The following ARHGAP22 variants were observed in gnomAD, a reference collection of about 807,000 sequenced individuals.
ARHGAP22 encodes the protein rho GTPase-activating protein 22.
Under a neutral mutation model 59.1 loss-of-function variants are expected in ARHGAP22, and 48 were observed. That is an observed-to-expected ratio of 0.81 (90% CI 0.64 to 1.03). The LOEUF is 1.03. ARHGAP22 is among the 50% of genes least tolerant of loss of function. ARHGAP22 has a pLI of 0.00. For synonymous variants in ARHGAP22, 445 were observed against 416.4 expected, an observed-to-expected ratio of 1.07 and a Z score of -0.84; for missense variants, 1,015 against 958.7, an observed-to-expected ratio of 1.06 and a Z score of -0.78.
At chr10:48,540,746 C>T (rs566883625) in intron 3 of ARHGAP22, among the ~76,000 whole-genome samples, 1 of 152,234 alleles carries the variant, frequency 6.6e-6, no homozygotes, top group East Asian at 1.9e-4. Flanking sequence ...ATTGTTGCCT[C>T]TCCCAACCAT....
chr10:48,530,723 C>T (rs1220816514), intron 3 of ARHGAP22, among the ~76,000 whole-genome samples: 1 of 152,162 alleles, frequency 6.6e-6, no homozygotes, highest in Non-Finnish European at 1.5e-5. Flanking sequence ...AACGCGATAC[C>T]ACCTTACTCT....
the ARHGAP22 span, among the ~76,000 whole-genome samples, chr10:48,434,578 T>G: frequency 6.6e-6 from 1 of 152,192 alleles, no homozygotes; most frequent in African/African-American, 2.4e-5. Context: ...TGAAGCCCAT[T>G]CATGGATCTT....
At chr10:48,462,248 TGGGG>T (rs35916329) in intron 4 of ARHGAP22, among the ~76,000 whole-genome samples, 1 of 54,606 alleles carries the variant, frequency 1.8e-5, no homozygotes, top group Non-Finnish European at 4.0e-5. Flanking sequence ...CACTTCGGGG[TGGGG>T]GGGGGGCACC....
chr10:48,456,777 G>A (rs867487205), intron 5 of ARHGAP22, among the ~76,000 whole-genome samples: 10 of 152,012 alleles, frequency 6.6e-5, no homozygotes, highest in East Asian at 1.9e-4. Context: ...CCCCCTATCC[G>A]CTCAGTACCT....
chr10:48,531,870 T>A (rs2054885444), intron 3 of ARHGAP22, among the ~76,000 whole-genome samples: 1 of 152,216 alleles, frequency 6.6e-6, no homozygotes, highest in Non-Finnish European at 1.5e-5. Flanking sequence ...AAGGCACACA[T>A]AACTGTAGTT....
chr10:48,642,253 G>A (rs2062080490), intron 1 of ARHGAP22, among the ~76,000 whole-genome samples: 1 of 152,208 alleles, frequency 6.6e-6, no homozygotes, highest in Admixed American at 6.5e-5. Context: ...AGTTCATATG[G>A]AAACAAAAAA....
At chr10:48,619,834 A>G (rs753033803) in intron 1 of ARHGAP22, among the ~76,000 whole-genome samples, 1 of 152,228 alleles carries the variant, frequency 6.6e-6, no homozygotes, top group Non-Finnish European at 1.5e-5. Flanking sequence ...CAGCAGAAGA[A>G]AAAATAGACA....
downstream of ARHGAP22, among the ~76,000 whole-genome samples, chr10:48,442,693 A>G (rs1191557575): frequency 2.0e-5 from 3 of 152,174 alleles, no homozygotes; most frequent in Admixed American, 2.0e-4. Flanking sequence ...CTTTTACCAC[A>G]GACCCTGCCC....
At chr10:48,605,253 C>T (rs1028330083), upstream of ARHGAP22, 2 of 745,232 alleles carry the variant, frequency 2.7e-6, no homozygotes, top group Middle Eastern at 6.6e-4. Context: ...AAGAAATGCG[C>T]CTTTCAGCCG....
intron 3 of ARHGAP22, among the ~76,000 whole-genome samples, chr10:48,530,735 A>C (rs1180582656): frequency 6.6e-6 from 1 of 152,210 alleles, no homozygotes; most frequent in East Asian, 1.9e-4. Context: ...CCTTACTCTC[A>C]CAAGAATGGC....
chr10:48,487,903 A>G (rs2050009425), intron 3 of ARHGAP22, among the ~76,000 whole-genome samples: 1 of 152,192 alleles, frequency 6.6e-6, no homozygotes. Flanking sequence ...CAACTCTATG[A>G]AAAATAATTT....
chr10:48,440,708 G>A, the ARHGAP22 span, among the ~76,000 whole-genome samples: 1 of 152,128 alleles, frequency 6.6e-6, no homozygotes, highest in African/African-American at 2.4e-5. Flanking sequence ...ATCAAGAATT[G>A]CCTTTATTTT....
At chr10:48,548,317 C>T (rs747532) in intron 3 of ARHGAP22, among the ~76,000 whole-genome samples, 88,795 of 151,922 alleles carry the variant, frequency 0.58, 27,145 homozygotes, top group East Asian at 0.99. Context: ...GCAACCTGCT[C>T]CAACCAGGAC....
At chr10:48,627,299 G>A (rs1167945467) in intron 1 of ARHGAP22, among the ~76,000 whole-genome samples, 1 of 152,222 alleles carries the variant, frequency 6.6e-6, no homozygotes. Flanking sequence ...AGCCAAGTAG[G>A]ACGGAGTGTG....
chr10:48,610,748 A>C (rs1432963405), intron 1 of ARHGAP22, among the ~76,000 whole-genome samples: 2 of 152,218 alleles, frequency 1.3e-5, no homozygotes, highest in African/African-American at 2.4e-5. Flanking sequence ...CGCTCCGAGC[A>C]GATGACCCGC....
chr10:48,512,644 C>A (rs1415868423), intron 3 of ARHGAP22, among the ~76,000 whole-genome samples: 1 of 152,192 alleles, frequency 6.6e-6, no homozygotes, highest in African/African-American at 2.4e-5. Context: ...TTAACACAAC[C>A]TAGTGAGACA....
At position 48,604,914 on chromosome 10, in the gene ARHGAP22, C is replaced by G; in HGVS notation, c.-118G>C. The G allele has an allele frequency of 6.3e-7, 1 of 1,576,084 alleles. No homozygotes were observed. The highest frequency in any genetic ancestry group is 1.4e-5 in the African/African-American group (1 of 73,844). On this transcript the variant is annotated 5_prime_UTR_variant, in exon 1 of 10. Transcript: ENST00000249601. ...CTGCTCGTTCGGGGCCCCGTGGCCG[C>G]TGGCGTCACCCGTCAGGCTCCCTCG...
At position 48,451,016 on chromosome 10, in the gene ARHGAP22, G is replaced by A. The variant is rs752232341; in HGVS notation, c.1113C>T (p.Gly371=). The A allele has an allele frequency of 2.6e-6, 4 of 1,555,120 alleles. No homozygotes were observed. The highest frequency in any genetic ancestry group is 3.5e-6 in the Non-Finnish European group (4 of 1,149,652). The change falls in exon 9 of 10, where the codon GGC becomes GGT. Residue 371 remains glycine (G), a synonymous_variant. Transcript: ENST00000249601. ...GGCTGTCCCTGGTGACCTCCTCGGA[G>A]CCCCACCCCACTGCGCATTGCAGGC... ...RGGLQCAVGW[G]SEEVTRDSQG... is the part of the protein sequence containing the mutation.
intron 3 of ARHGAP22, among the ~76,000 whole-genome samples, chr10:48,553,003 A>T (rs553889047): frequency 1.3e-5 from 2 of 152,284 alleles, no homozygotes; most frequent in South Asian, 4.1e-4. Flanking sequence ...GCTGTGAAGG[A>T]TGGGGAGCTT....
Sources: allele counts gnomAD v4.1 joint callset (sites outside exome capture counted in the v4.1 genomes callset), GRCh38; gene constraint gnomAD v4.1.1; transcripts MANE v1.5; gene names NCBI Gene and HGNC (gene_info 2026-07-23, HGNC 2026-07-21).